Variants in FUT9 observed in about 807,000 individuals in gnomAD.
FUT9 encodes the protein fucosyltransferase 9.
FUT9 carries 15 observed loss-of-function variants against 29.7 expected under a neutral mutation model. The ratio of observed to expected loss-of-function variants is 0.51; its 90% CI spans 0.34 to 0.78. The LOEUF (loss-of-function observed/expected upper bound fraction) is 0.78. Among genes scored for constraint, FUT9 ranks in the 30% least tolerant of loss-of-function variants. FUT9 has a pLI of 0.01. For missense variants in FUT9, 319 were observed against 425.4 expected (o/e 0.75, Z 2.20); for synonymous variants, 169 against 153.7 (o/e 1.10, Z -0.74).
chr6:96,169,747 A>G (rs1039474777), intron 2 of FUT9, among the ~76,000 whole-genome samples: 4 of 152,194 alleles, frequency 2.6e-5, no homozygotes, highest in Non-Finnish European at 4.4e-5. Flanking sequence ...GTGTTTACCA[A>G]ATTTCTCTCT....
chr6:96,184,661 C>T (rs1361153548), intron 2 of FUT9, among the ~76,000 whole-genome samples: 1 of 152,004 alleles, frequency 6.6e-6, no homozygotes, highest in Middle Eastern at 3.2e-3. Flanking sequence ...TCACTATTGT[C>T]GTTCAGTTCA....
At chr6:96,086,937 G>A (rs1771325411) in intron 1 of FUT9, among the ~76,000 whole-genome samples, 1 of 152,190 alleles carries the variant, frequency 6.6e-6, no homozygotes, top group African/African-American at 2.4e-5. Context: ...ATTCAGGAGT[G>A]TGCAGCCTGC....
rs1403656909 is a variant in FUT9, at chr6:96,203,497, T to C, written c.342T>C (p.Ser114=). ...HAVLIHHRDI[S]WDLTNLPQQA... is the part of the protein sequence containing the mutation. ...TTCTGATCCATCACCGAGACATCAG[T>C]TGGGATCTGACAAATTTACCTCAGC... is the stretch of plus-strand genomic sequence containing the variant. The change falls in exon 3 of 3, where the codon AGT becomes AGC. Residue 114 remains serine (S), a synonymous_variant. Coordinates refer to ENST00000302103, the MANE Select transcript of FUT9 (RefSeq NM_006581.4). The C allele has an allele frequency of 1.2e-6, 2 of 1,611,798 alleles. No homozygotes were observed. Among genetic ancestry groups the C allele is most frequent in the Non-Finnish European group, 1.7e-6 (2 of 1,178,972 alleles).
chr6:96,092,326 G>T (rs1330769599), intron 1 of FUT9, among the ~76,000 whole-genome samples: 1 of 152,162 alleles, frequency 6.6e-6, no homozygotes, highest in South Asian at 2.1e-4. Flanking sequence ...TGATACACTT[G>T]TGTGAAATTC....
chr6:96,202,333 C>T (rs1017181434), intron 2 of FUT9, among the ~76,000 whole-genome samples: 4 of 151,688 alleles, frequency 2.6e-5, no homozygotes, highest in African/African-American at 7.3e-5. Flanking sequence ...TTTATAATAC[C>T]GATATCATCT....
At chr6:96,027,929 A>T (rs6925780) in intron 1 of FUT9, among the ~76,000 whole-genome samples, 51,313 of 151,360 alleles carry the variant, frequency 0.34, 9,472 homozygotes, top group Non-Finnish European at 0.43. Context: ...TTGTCCCTAC[A>T]TTGCCTTGTT....
At chr6:96,191,156 G>T (rs1379240408) in intron 2 of FUT9, among the ~76,000 whole-genome samples, 1 of 151,972 alleles carries the variant, frequency 6.6e-6, no homozygotes, top group Admixed American at 6.6e-5. Flanking sequence ...GAGTTTGCTG[G>T]AGGTCCACTC....
At position 96,213,354 on chromosome 6, in the gene FUT9, T is replaced by C. The variant is rs1283869952; in HGVS notation, c.*9119T>C. 1 of 166,798 alleles carries C rather than the reference T, an allele frequency of 6.0e-6. No homozygotes were observed. Among genetic ancestry groups the C allele is most frequent in the Non-Finnish European group, 1.5e-5 (1 of 68,008 alleles). The allele number at this position is 166,798 out of a possible 1,614,324, so 10.3% of individuals were successfully genotyped here. On this transcript the variant is annotated 3_prime_UTR_variant, in exon 3 of 3. Coordinates refer to ENST00000302103, the MANE Select transcript of FUT9 (RefSeq NM_006581.4). ...TAACTTTGAATAAAATGACTTACATTCAAGGAAGGTCAAAACTATTATTCT... is the reference window on the plus strand; with the variant it reads ...TAACTTTGAATAAAATGACTTACATCCAAGGAAGGTCAAAACTATTATTCT...
chr6:96,042,806 T>C (rs1770487271), intron 1 of FUT9, among the ~76,000 whole-genome samples: 1 of 152,184 alleles, frequency 6.6e-6, no homozygotes, highest in South Asian at 2.1e-4. Context: ...TACTTCCCAT[T>C]ATTCTGTTCA....
rs1479885490 is a variant in FUT9 at position 96,211,263 on chromosome 6, G to C, written c.*7028G>C. 3 of 166,626 alleles carry C rather than the reference G, an allele frequency of 1.8e-5. No individual in the cohort carries two copies. The East Asian group carries it at 5.8e-4, about 32-fold the overall frequency. 10.3% of individuals were successfully genotyped at this position (166,626 alleles called of 1,614,324 possible). On this transcript the variant is annotated 3_prime_UTR_variant, in exon 3 of 3. Transcript: ENST00000302103. Reference sequence around the variant, plus strand: ...ATATATACCATTTCTTAAGATAATTGGAACTCAAGCAGTCCTAATTTTCTC... The same window carrying C: ...ATATATACCATTTCTTAAGATAATTCGAACTCAAGCAGTCCTAATTTTCTC...
intron 2 of FUT9, among the ~76,000 whole-genome samples, chr6:96,202,859 G>A (rs1390772504): frequency 6.6e-6 from 1 of 151,992 alleles, no homozygotes; most frequent in Non-Finnish European, 1.5e-5. Context: ...TTTTCTACAA[G>A]CAAATAAAAG....
intron 1 of FUT9, chr6:96,020,975 T>G (rs1770058255): frequency 6.6e-6 from 1 of 151,828 alleles, no homozygotes; most frequent in Non-Finnish European, 1.5e-5. Flanking sequence ...GGCACAAGAG[T>G]AAGTATGATT....
At chr6:96,174,423 T>C (rs1386285547) in intron 2 of FUT9, among the ~76,000 whole-genome samples, 3 of 152,062 alleles carry the variant, frequency 2.0e-5, no homozygotes, top group Non-Finnish European at 4.4e-5. Flanking sequence ...GATGGCAAAT[T>C]ATAATAAGAA....
intron 1 of FUT9, among the ~76,000 whole-genome samples, chr6:96,099,478 A>C (rs919838498): frequency 1.3e-5 from 2 of 152,122 alleles, no homozygotes; most frequent in African/African-American, 4.8e-5. Flanking sequence ...GGTCAGAAAC[A>C]GTATCTCATT....
Position 96,206,398 on chromosome 6 carries a change from C to T in FUT9, c.*2163C>T, listed in dbSNP as rs1001720495. On this transcript the variant is annotated 3_prime_UTR_variant, in exon 3 of 3. Transcript: ENST00000302103. The stretch of plus-strand genomic sequence containing the variant: ...CATTTACTTTGTCAAATTTTTTGGT[C>T]TATAAAAAGCATAGAGATCTAAAGA... 39 of 166,944 alleles carry T rather than the reference C, an allele frequency of 2.3e-4. No individual in the cohort carries two copies. The highest frequency in any genetic ancestry group is 9.4e-4 in the African/African-American group (39 of 41,400). 10.3% of individuals were successfully genotyped at this position (166,944 alleles called of 1,614,324 possible). A position where few individuals can be genotyped will look rare whatever the true frequency, so the allele number is the denominator to read the frequency against.
intron 2 of FUT9, among the ~76,000 whole-genome samples, chr6:96,179,052 C>A (rs1186594299): frequency 2.6e-5 from 4 of 151,870 alleles, no homozygotes; most frequent in Non-Finnish European, 5.9e-5. Flanking sequence ...GAAGCAGAAA[C>A]CTCATTCTCT....
chr6:96,101,677 A>G (rs1771588302), intron 1 of FUT9, among the ~76,000 whole-genome samples: 1 of 152,006 alleles, frequency 6.6e-6, no homozygotes, highest in African/African-American at 2.4e-5. Flanking sequence ...TTCTGGAGAC[A>G]AGATTTCATT....
At chr6:96,196,502 A>G (rs1029961740) in intron 2 of FUT9, among the ~76,000 whole-genome samples, 6 of 152,062 alleles carry the variant, frequency 3.9e-5, no homozygotes, top group Non-Finnish European at 5.9e-5. Context: ...TCATGAGGTC[A>G]GGAGATCGCG....
chr6:96,065,775 T>C (rs1331365409), intron 1 of FUT9, among the ~76,000 whole-genome samples: 1 of 152,180 alleles, frequency 6.6e-6, no homozygotes, highest in East Asian at 1.9e-4. Flanking sequence ...AGTTTGGTCC[T>C]CTATGACATA....
Sources: allele counts gnomAD v4.1 joint callset (sites outside exome capture counted in the v4.1 genomes callset), GRCh38; gene constraint gnomAD v4.1.1; transcripts MANE v1.5; gene names NCBI Gene and HGNC (gene_info 2026-07-23, HGNC 2026-07-21).